Variants in WWOX observed in about 807,000 individuals in gnomAD.
WWOX encodes the protein WW domain-containing oxidoreductase.
A neutral mutation model predicts 46.2 loss-of-function variants in WWOX; 69 were observed. The observed-to-expected ratio is 1.49, with a 90% confidence interval of 1.23 to 1.82. The LOEUF (loss-of-function observed/expected upper bound fraction) is 1.82, where lower values mean the gene tolerates loss of function less well. Among genes scored for constraint, WWOX ranks in the 40% most tolerant of loss-of-function variants. The pLI, the probability that WWOX is intolerant of heterozygous loss-of-function variation, is 0.00. For synonymous variants in WWOX, 359 were observed against 202.6 expected (o/e 1.77, Z -6.56); for missense variants, 919 against 542.6 (o/e 1.69, Z -6.89).
At chr16:78,742,609 C>A (rs914890716) in intron 8 of WWOX, among the ~76,000 whole-genome samples, 6 of 152,206 alleles carry the variant, frequency 3.9e-5, no homozygotes, top group African/African-American at 1.4e-4. Flanking sequence ...CACGAGAAAT[C>A]TCTCTCCAGC....
intron 8 of WWOX, among the ~76,000 whole-genome samples, chr16:79,116,864 T>A (rs2049526542): frequency 6.6e-6 from 1 of 152,046 alleles, no homozygotes; most frequent in African/African-American, 2.4e-5. Flanking sequence ...ACAGTATCTG[T>A]GGCACCTGTA....
At chr16:78,976,697 A>T (rs915184724) in intron 8 of WWOX, among the ~76,000 whole-genome samples, 1 of 152,218 alleles carries the variant, frequency 6.6e-6, no homozygotes, top group Non-Finnish European at 1.5e-5. Flanking sequence ...AAAATGCCTG[A>T]GACCCACCAG....
intron 5 of WWOX, among the ~76,000 whole-genome samples, chr16:78,382,302 G>C (rs570875992): frequency 6.6e-6 from 1 of 152,204 alleles, no homozygotes; most frequent in African/African-American, 2.4e-5. Flanking sequence ...TCACTATTAA[G>C]TGGAAGTCTT....
chr16:78,681,574 A>G (rs1352697765), intron 8 of WWOX, among the ~76,000 whole-genome samples: 2 of 151,572 alleles, frequency 1.3e-5, no homozygotes, highest in African/African-American at 2.4e-5. Context: ...AAAGGGAAGA[A>G]GCAAAGGGGC....
At chr16:79,097,624 C>G (rs1024952004) in intron 8 of WWOX, among the ~76,000 whole-genome samples, 5 of 152,146 alleles carry the variant, frequency 3.3e-5, no homozygotes, top group African/African-American at 1.2e-4. Context: ...TGACGACATT[C>G]AACATCGTAC....
intron 8 of WWOX, among the ~76,000 whole-genome samples, chr16:78,735,426 C>CACAA (rs57609552): frequency 2.4e-4 from 36 of 150,298 alleles, no homozygotes; most frequent in African/African-American, 4.2e-4. Context: ...CACACACACA[C>CACAA]TAATATGGTT....
At chr16:78,624,905 A>T (rs2046276614) in intron 8 of WWOX, among the ~76,000 whole-genome samples, 2 of 152,168 alleles carry the variant, frequency 1.3e-5, no homozygotes, top group South Asian at 4.1e-4. Context: ...GTTCACCTGG[A>T]GTCTGTACAC....
At chr16:78,342,585 A>G (rs2081036489) in intron 5 of WWOX, among the ~76,000 whole-genome samples, 1 of 120,498 alleles carries the variant, frequency 8.3e-6, no homozygotes, top group Non-Finnish European at 2.0e-5. Flanking sequence ...AGAGCACTAA[A>G]GGTCTCTAGC....
chr16:78,185,209 A>G (rs552165235), intron 5 of WWOX, among the ~76,000 whole-genome samples: 1 of 152,370 alleles, frequency 6.6e-6, no homozygotes, highest in South Asian at 2.1e-4. Flanking sequence ...CTGGACTATC[A>G]GAGAATAGCC....
chr16:78,905,638 C>G (rs1039186956), intron 8 of WWOX, among the ~76,000 whole-genome samples: 6 of 152,136 alleles, frequency 3.9e-5, no homozygotes, highest in African/African-American at 1.2e-4. Flanking sequence ...GCTGTGGCCC[C>G]TTCCAAAGTG....
chr16:78,429,390 T>G (rs2083164447), intron 7 of WWOX, among the ~76,000 whole-genome samples: 1 of 152,142 alleles, frequency 6.6e-6, no homozygotes, highest in African/African-American at 2.4e-5. Context: ...CTTCTTTCAT[T>G]CTCTCCCTGA....
chr16:78,384,961 C>T (rs944980489), intron 5 of WWOX, among the ~76,000 whole-genome samples: 5 of 152,074 alleles, frequency 3.3e-5, no homozygotes, highest in African/African-American at 1.2e-4. Flanking sequence ...TGGTGAAACC[C>T]CGTCTGTACT....
At chr16:78,412,692 G>C (rs1178849592) in intron 6 of WWOX, among the ~76,000 whole-genome samples, 1 of 152,172 alleles carries the variant, frequency 6.6e-6, no homozygotes, top group African/African-American at 2.4e-5. Flanking sequence ...TCTTAGCAGA[G>C]AGGAGGTTGC....
chr16:78,943,457 G>C (rs1335804496), intron 8 of WWOX, among the ~76,000 whole-genome samples: 4 of 151,436 alleles, frequency 2.6e-5, no homozygotes, highest in African/African-American at 9.8e-5. Context: ...GAAACAGGGA[G>C]GACCCAGGCA....
chr16:79,122,912 C>T (rs2049669361), intron 8 of WWOX, among the ~76,000 whole-genome samples: 1 of 152,198 alleles, frequency 6.6e-6, no homozygotes, highest in Admixed American at 6.5e-5. Flanking sequence ...ACTTTTAGGT[C>T]TCTGAGGCAG....
chr16:79,093,424 A>C (rs1319163602), intron 8 of WWOX, among the ~76,000 whole-genome samples: 1 of 152,220 alleles, frequency 6.6e-6, no homozygotes, highest in Non-Finnish European at 1.5e-5. Context: ...TTGTGACCCA[A>C]CATTTTTCTG....
At chr16:78,708,212 C>G (rs2048365606) in intron 8 of WWOX, among the ~76,000 whole-genome samples, 3 of 152,180 alleles carry the variant, frequency 2.0e-5, no homozygotes. Flanking sequence ...AAAACAAAAA[C>G]AGGACACCTG....
chr16:78,744,488 G>A (rs983175189), intron 8 of WWOX, among the ~76,000 whole-genome samples: 2 of 136,658 alleles, frequency 1.5e-5, no homozygotes, highest in African/African-American at 5.7e-5. Flanking sequence ...CTGGAGTGCA[G>A]TGGCACAGTC....
At chr16:78,783,840 A>ATGATGATGGTGATATGACGC (rs150547806) in intron 8 of WWOX, among the ~76,000 whole-genome samples, 5,893 of 151,368 alleles carry the variant, frequency 0.039, 175 homozygotes, top group Middle Eastern at 0.082. Flanking sequence ...GATGGTGGTG[A>ATGATGATGGTGATATGACGC]TGATGATGGT....
Sources: gnomAD v4.1 joint callset for allele counts (sites outside exome capture counted in the v4.1 genomes callset) on GRCh38, gnomAD v4.1.1 for gene constraint, MANE v1.5 for transcripts, NCBI Gene and HGNC (gene_info 2026-07-23, HGNC 2026-07-21) for gene names.